The following DNAH5 variants were observed in gnomAD, a reference collection of about 807,000 sequenced individuals.
The protein encoded by DNAH5 is dynein axonemal heavy chain 5, also known as axonemal beta dynein heavy chain 5.
A neutral mutation model predicts 518.2 loss-of-function variants in DNAH5; 372 were observed. That is an observed-to-expected ratio of 0.72 (90% CI 0.66 to 0.78). DNAH5 has a LOEUF of 0.78. DNAH5 is among the 30% of genes least tolerant of loss of function. The pLI is 0.00. For synonymous variants in DNAH5, 2,039 were observed against 2,025.9 expected, an observed-to-expected ratio of 1.01 and a Z score of -0.17; for missense variants, 5,523 against 5,687.0, an observed-to-expected ratio of 0.97 and a Z score of 0.93.
upstream of DNAH5, among the ~76,000 whole-genome samples, chr5:13,947,231 C>G (rs1421920793): frequency 1.3e-5 from 2 of 152,056 alleles, no homozygotes; most frequent in African/African-American, 4.8e-5. Flanking sequence ...GAATTGTTAC[C>G]TTTACGCTTA....
At chr5:13,911,346 AAC>A in intron 12 of DNAH5, 38 bp downstream of exon 12, 1 of 1,511,772 alleles carries the variant, frequency 6.6e-7, no homozygotes, top group Non-Finnish European at 9.2e-7. Flanking sequence ...GGAAAAAATA[AAC>A]ACACGACTGT....
intron 22 of DNAH5, among the ~76,000 whole-genome samples, chr5:13,872,665 T>C (rs937051610): frequency 1.3e-5 from 2 of 152,142 alleles, no homozygotes; most frequent in African/African-American, 4.8e-5. Flanking sequence ...TGGCAATTGG[T>C]AAATAGGGGA....
At chr5:13,766,944 C>T (rs1752588481) in intron 58 of DNAH5, among the ~76,000 whole-genome samples, 1 of 152,132 alleles carries the variant, frequency 6.6e-6, no homozygotes, top group African/African-American at 2.4e-5. Flanking sequence ...TCCAGATCTT[C>T]AAAACATCCA....
At chr5:13,742,373 CA>C (rs35870769) in intron 65 of DNAH5, among the ~76,000 whole-genome samples, 58,058 of 151,798 alleles carry the variant, frequency 0.38, 11,507 homozygotes, top group South Asian at 0.5. Context: ...ACTACTCTAA[CA>C]AAACTGGTCT....
chr5:13,807,309 G>C (rs1396976259), intron 47 of DNAH5, among the ~76,000 whole-genome samples: 3 of 152,138 alleles, frequency 2.0e-5, no homozygotes, highest in Non-Finnish European at 4.4e-5. Context: ...TTCAGTTTTG[G>C]ATTTTGCGTG....
At chr5:13,757,949 A>G (rs191867175) in intron 61 of DNAH5, among the ~76,000 whole-genome samples, 4 of 152,326 alleles carry the variant, frequency 2.6e-5, no homozygotes, top group Admixed American at 2.0e-4. Context: ...GGTAGAGGTG[A>G]ATTTCATAAA....
intron 47 of DNAH5, among the ~76,000 whole-genome samples, chr5:13,807,197 A>T (rs530098197): frequency 2.6e-4 from 39 of 152,284 alleles, no homozygotes; most frequent in African/African-American, 8.7e-4. Flanking sequence ...CGCATTAAAG[A>T]TTATTACAAA....
chr5:13,976,833 C>T (rs1782297698), intron 1 of DNAH5, among the ~76,000 whole-genome samples: 1 of 151,924 alleles, frequency 6.6e-6, no homozygotes, highest in African/African-American at 2.4e-5. Flanking sequence ...TGTATTCATG[C>T]AATTACAAAG....
At position 13,714,476 on chromosome 5, in the gene DNAH5, G is replaced by A. The variant is rs530188302; in HGVS notation, c.13054C>T (p.Arg4352Trp). The A allele has an allele frequency of 2.0e-5, 32 of 1,613,974 alleles. No homozygotes were observed. Among genetic ancestry groups the A allele is most frequent in the Non-Finnish European group, 2.5e-5 (30 of 1,180,018 alleles). The change falls in exon 75 of 79, where the codon CGG becomes TGG. Residue 4352 changes from arginine to tryptophan, a missense_variant. By Grantham distance (101) the Arg-to-Trp change is moderately radical (BLOSUM62 -3). Around this residue, in one of 3 missense-constraint regions of DNAH5, gnomAD observed 387 missense variants for 430.0 expected, o/e 0.90. Transcript: ENST00000265104. ...KDTSGGGDET[R>W]EAVVARLADD... ...GCCAGCCGGGCCACCACCGCCTCCC[G>A]GGTCTCATCCCCTCCACCAGAGGTG...
intron 1 of DNAH5, among the ~76,000 whole-genome samples, chr5:13,952,290 G>GA (rs375586724): frequency 6.6e-6 from 1 of 152,348 alleles, no homozygotes; most frequent in Admixed American, 6.5e-5. Flanking sequence ...TTGAAAGGCA[G>GA]AAAACTCCTG....
chr5:13,912,801 T>G (rs1444337183), intron 11 of DNAH5, among the ~76,000 whole-genome samples: 1 of 151,938 alleles, frequency 6.6e-6, no homozygotes, highest in African/African-American at 2.4e-5. Flanking sequence ...CTTAAGATTA[T>G]TAAGTTAAAT....
intron 11 of DNAH5, among the ~76,000 whole-genome samples, 172 bp from the exon 12 acceptor site, chr5:13,911,665 T>C (rs1181408197): frequency 6.6e-6 from 1 of 152,192 alleles, no homozygotes; most frequent in East Asian, 1.9e-4. Context: ...ACAGGCAGTA[T>C]AAGGTTGCCC....
At chr5:13,911,739 T>A (rs958880907) in intron 11 of DNAH5, among the ~76,000 whole-genome samples, 4 of 152,064 alleles carry the variant, frequency 2.6e-5, no homozygotes, top group African/African-American at 9.7e-5. Flanking sequence ...TTTGAAAAAA[T>A]GAAATAAAAA....
chr5:13,885,999 T>G lies in DNAH5; in HGVS notation c.2708A>C (p.Asn903Thr), dbSNP rs749503841. ...ATTTTTGTAATTAACACTATTCTCA[T>G]TGGATATTTTTTCACTTTCTTCTTC... Reference protein sequence around the residue: ...LSEEESEKISNENSVNYKNES... With the variant: ...LSEEESEKISTENSVNYKNES... Residue 903 changes from asparagine to threonine, a missense_variant, in exon 18 of 79, where the codon AAT becomes ACT. Transcript: ENST00000265104. 20 of 1,613,122 alleles carry G rather than the reference T, an allele frequency of 1.2e-5. No individual in the cohort carries two copies. The Admixed American group carries it at 3.3e-4, about 27-fold the overall frequency.
At chr5:13,865,283 G>A (rs1769077495) in intron 27 of DNAH5, among the ~76,000 whole-genome samples, 1 of 152,110 alleles carries the variant, frequency 6.6e-6, no homozygotes. Flanking sequence ...ATGAGCTACT[G>A]CACCCAGCCA....
chr5:13,887,130 T>C (rs952506011), intron 17 of DNAH5, among the ~76,000 whole-genome samples: 4 of 152,232 alleles, frequency 2.6e-5, no homozygotes, highest in Non-Finnish European at 5.9e-5. Flanking sequence ...GAAACACACA[T>C]GTGGTCTCCA....
At chr5:13,754,446 T>C in intron 61 of DNAH5, 108 bp from the exon 62 acceptor site, 2 of 1,249,476 alleles carry the variant, frequency 1.6e-6, no homozygotes, top group Non-Finnish European at 2.3e-6. Context: ...CTGAGACATG[T>C]GAGCCATTAC....
At chr5:13,752,068 C>T (rs543035313) in intron 64 of DNAH5, 66 bp downstream of exon 64, 2 of 1,540,460 alleles carry the variant, frequency 1.3e-6, no homozygotes, top group East Asian at 2.3e-5. Context: ...AGAATTCTAT[C>T]TGTGTCACAT....
rs1745928643 is a variant in DNAH5, at chr5:13,727,599, C to T, written c.11941G>A (p.Glu3981Lys). 1 of 1,613,778 alleles carries T rather than the reference C, an allele frequency of 6.2e-7. No individual in the cohort carries two copies. Among genetic ancestry groups the T allele is most frequent in the Non-Finnish European group, 8.5e-7 (1 of 1,179,794 alleles). The change falls in exon 70 of 79, where the codon GAA becomes AAA. Residue 3981 changes from glutamate (E) to lysine (K), a missense_variant. This residue lies in a region of DNAH5 where 5,121 missense variants were observed against 5,223.3 expected (regional missense o/e 0.98). Coordinates refer to ENST00000265104, the MANE Select transcript of DNAH5 (RefSeq NM_001369.3). ...TTATCATAGGCATTTGGAAGAGGTT[C>T]CTCCTCCGGGTTTTCCTTATCAAAC... ...IWFDKENPEE[E>K]PLPNAYDKSL...
Sources: gnomAD v4.1 joint callset for allele counts (sites outside exome capture counted in the v4.1 genomes callset) on GRCh38, gnomAD v4.1.1 for gene constraint, gnomAD v4.1.1 regional missense constraint, MANE v1.5 for transcripts, NCBI Gene and HGNC (gene_info 2026-07-23, HGNC 2026-07-21) for gene names.